ST6GALNAC3: variants seen among roughly 807,000 people sequenced by gnomAD.
ST6GALNAC3 encodes the protein alpha-N-acetylgalactosaminide alpha-2,6-sialyltransferase 3.
In ST6GALNAC3, 25 loss-of-function variants were observed where a neutral mutation model predicts 32.7. The observed-to-expected ratio is 0.76, with a 90% CI of 0.56 to 1.07. ST6GALNAC3 has a LOEUF of 1.07. Among genes scored for constraint, ST6GALNAC3 ranks in the 50% least tolerant of loss-of-function variants. The pLI is 0.00. For missense variants in ST6GALNAC3, 355 were observed against 382.4 expected (o/e 0.93, Z 0.60); for synonymous variants, 129 against 133.1 (o/e 0.97, Z 0.21).
chr1:76,248,743 C>T (rs1352572717), intron 1 of ST6GALNAC3, among the ~76,000 whole-genome samples: 2 of 151,964 alleles, frequency 1.3e-5, no homozygotes, highest in African/African-American at 4.8e-5. Context: ...CCTCTTCTAC[C>T]CTTTTCCTTC....
chr1:76,609,111 T>C (rs1356095508), intron 3 of ST6GALNAC3, among the ~76,000 whole-genome samples: 4 of 152,200 alleles, frequency 2.6e-5, no homozygotes, highest in African/African-American at 9.6e-5. Context: ...TGTTTTTAAA[T>C]GTGTATGTTT....
chr1:76,134,698 A>G (rs1649827453), intron 1 of ST6GALNAC3, among the ~76,000 whole-genome samples: 1 of 152,120 alleles, frequency 6.6e-6, no homozygotes, highest in African/African-American at 2.4e-5. Context: ...GAACTCCTGC[A>G]TGGGTAGTGT....
At chr1:76,078,044 T>G (rs1036435066) in intron 1 of ST6GALNAC3, among the ~76,000 whole-genome samples, 2 of 152,206 alleles carry the variant, frequency 1.3e-5, no homozygotes, top group Non-Finnish European at 2.9e-5. Context: ...CAATTACCCC[T>G]GTCATTGGGT....
intron 3 of ST6GALNAC3, among the ~76,000 whole-genome samples, chr1:76,593,815 C>T (rs1410665958): frequency 2.0e-5 from 3 of 152,088 alleles, no homozygotes; most frequent in Admixed American, 1.3e-4. Flanking sequence ...GGAACACAGG[C>T]CTGTAAACAA....
chr1:76,501,419 C>A (rs965113780), intron 3 of ST6GALNAC3, among the ~76,000 whole-genome samples: 1 of 152,190 alleles, frequency 6.6e-6, no homozygotes, highest in Admixed American at 6.5e-5. Context: ...AAAACAAACA[C>A]CAGGGACAAG....
At chr1:76,401,347 C>T (rs1475791918) in intron 2 of ST6GALNAC3, among the ~76,000 whole-genome samples, 3 of 151,974 alleles carry the variant, frequency 2.0e-5, no homozygotes, top group African/African-American at 4.8e-5. Flanking sequence ...TATCAATTAT[C>T]GAATTTCTAA....
Position 76,632,904 on chromosome 1 carries a change from C to T in ST6GALNAC3, c.*4098C>T, listed in dbSNP as rs1238049010. 1 of 152,034 alleles carries T rather than the reference C, an allele frequency of 6.6e-6. No homozygotes were observed. The highest frequency in any genetic ancestry group is 1.5e-5 in the Non-Finnish European group (1 of 68,004). 9.4% of individuals were successfully genotyped at this position (152,034 alleles called of 1,614,324 possible). A position where few individuals can be genotyped will look rare whatever the true frequency, so the allele number is the denominator to read the frequency against. On this transcript the variant is annotated 3_prime_UTR_variant, in exon 5 of 5. Transcript: ENST00000328299. ...CAGTTGTTTGCATGTCTTAGCACAA[C>T]AAAGGATTTACAGTCTGAGGGCCAA...
At chr1:76,478,912 G>GCCA (rs1659533185) in intron 3 of ST6GALNAC3, among the ~76,000 whole-genome samples, 1 of 151,556 alleles carries the variant, frequency 6.6e-6, no homozygotes, top group South Asian at 2.1e-4. Flanking sequence ...ACAGGTGCCC[G>GCCA]CCACCACGCC....
chr1:76,525,268 T>C (rs1159220440), intron 3 of ST6GALNAC3, among the ~76,000 whole-genome samples: 2 of 152,096 alleles, frequency 1.3e-5, no homozygotes, highest in Non-Finnish European at 2.9e-5. Flanking sequence ...TGAAGACGTC[T>C]AGGAACACTG....
chr1:76,275,336 G>A (rs150784285), intron 1 of ST6GALNAC3, among the ~76,000 whole-genome samples: 345 of 152,302 alleles, frequency 2.3e-3, no homozygotes, highest in African/African-American at 8.2e-3. Flanking sequence ...ATCTTAGTCT[G>A]TAAACTCAGA....
intron 1 of ST6GALNAC3, among the ~76,000 whole-genome samples, chr1:76,104,124 G>A (rs1267595363): frequency 6.6e-6 from 1 of 152,084 alleles, no homozygotes; most frequent in Admixed American, 6.5e-5. Flanking sequence ...AGGCTTGTGG[G>A]TGGGTTTCTA....
intron 3 of ST6GALNAC3, among the ~76,000 whole-genome samples, chr1:76,599,172 C>A (rs890611743): frequency 2.2e-4 from 34 of 151,444 alleles, no homozygotes; most frequent in Non-Finnish European, 4.0e-4. Flanking sequence ...AAAATAAATT[C>A]TCTCTTGTAA....
intron 3 of ST6GALNAC3, among the ~76,000 whole-genome samples, chr1:76,615,992 G>A (rs1195469848): frequency 6.6e-6 from 1 of 152,072 alleles, no homozygotes; most frequent in African/African-American, 2.4e-5. Context: ...TCCTGGTGAG[G>A]GCAAAATAAA....
intron 3 of ST6GALNAC3, among the ~76,000 whole-genome samples, chr1:76,602,478 G>C (rs933092740): frequency 2.0e-5 from 3 of 151,970 alleles, no homozygotes; most frequent in African/African-American, 7.3e-5. Flanking sequence ...AAGTAAGCTT[G>C]AGAACTCCCA....
intron 3 of ST6GALNAC3, among the ~76,000 whole-genome samples, chr1:76,553,983 C>A (rs1664778008): frequency 6.6e-6 from 1 of 152,144 alleles, no homozygotes. Flanking sequence ...TTCTGATTGG[C>A]TGGCTTTTTA....
intron 3 of ST6GALNAC3, among the ~76,000 whole-genome samples, chr1:76,487,975 G>A (rs1320454578): frequency 1.3e-5 from 2 of 152,148 alleles, no homozygotes; most frequent in African/African-American, 2.4e-5. Context: ...GTCTGTTGGA[G>A]TTTGCTGGAG....
chr1:76,323,480 A>G (rs1249442899), intron 2 of ST6GALNAC3, among the ~76,000 whole-genome samples: 1 of 152,222 alleles, frequency 6.6e-6, no homozygotes, highest in Non-Finnish European at 1.5e-5. Context: ...CAAGAACCTA[A>G]GACTATCCTA....
At chr1:76,357,978 C>T (rs1649621665) in intron 2 of ST6GALNAC3, among the ~76,000 whole-genome samples, 1 of 152,188 alleles carries the variant, frequency 6.6e-6, no homozygotes. Context: ...CCCCTACCTG[C>T]CTCCCTGCCA....
chr1:76,598,207 A>G lies in ST6GALNAC3; in HGVS notation c.624-29245A>G, dbSNP rs1281828400. Among the ~76,000 whole-genome samples the G allele has an allele frequency of 2.6e-5, 4 of 151,718 alleles. No homozygotes were observed. In the East Asian group the frequency reaches 7.8e-4, roughly 29 times the overall value. ...AGGGCTCCACTCTCACAGCCTAATG[A>G]CCTCCCAAAGGGCCCAGCTCCAAAC... is the stretch of plus-strand genomic sequence containing the variant. On this transcript the variant is annotated intron_variant, in intron 3 of 4. Coordinates refer to ENST00000328299, the MANE Select transcript of ST6GALNAC3 (RefSeq NM_152996.4).
Sources: gnomAD v4.1 joint callset for allele counts (sites outside exome capture counted in the v4.1 genomes callset) on GRCh38, gnomAD v4.1.1 for gene constraint, MANE v1.5 for transcripts, NCBI Gene and HGNC (gene_info 2026-07-23, HGNC 2026-07-21) for gene names.